ATXN7L1: variants seen among roughly 807,000 people sequenced by gnomAD.
ATXN7L1 encodes ataxin 7 like 1.
Under a neutral mutation model 70.8 loss-of-function variants are expected in ATXN7L1, and 15 were observed. That is an observed-to-expected ratio of 0.21 (90% CI 0.14 to 0.33). The LOEUF (loss-of-function observed/expected upper bound fraction) is 0.33, where lower values mean the gene tolerates loss of function less well. Among genes scored for constraint, ATXN7L1 ranks in the 10% least tolerant of loss-of-function variants. ATXN7L1 has a pLI of 1.00. For missense variants in ATXN7L1, 975 were observed against 1,097.1 expected, an observed-to-expected ratio of 0.89 and a Z score of 1.57; for synonymous variants, 440 against 445.1, an observed-to-expected ratio of 0.99 and a Z score of 0.14.
chr7:105,658,655 C>T (rs1183217037), intron 4 of ATXN7L1, among the ~76,000 whole-genome samples: 3 of 151,674 alleles, frequency 2.0e-5, no homozygotes, highest in Admixed American at 6.6e-5. Flanking sequence ...CTCAGCCTCC[C>T]GAGTAGCTGA....
intron 9 of ATXN7L1, 55 bp downstream of exon 9, chr7:105,620,145 T>G: frequency 1.3e-6 from 2 of 1,540,650 alleles, no homozygotes; most frequent in Middle Eastern, 1.7e-4. Context: ...AAGTTAAGTT[T>G]CAGGTAACTG....
At chr7:105,845,848 A>C (rs777661721) in intron 2 of ATXN7L1, among the ~76,000 whole-genome samples, 1 of 152,232 alleles carries the variant, frequency 6.6e-6, no homozygotes, top group Admixed American at 6.5e-5. Flanking sequence ...GGATAGCCAC[A>C]TGAAAAAGAA....
chr7:105,608,006 C>A, intron 11 of ATXN7L1, 116 bp from the exon 12 acceptor site: 1 of 930,770 alleles, frequency 1.1e-6, no homozygotes, highest in Non-Finnish European at 1.7e-6. Flanking sequence ...AATATCCCAC[C>A]TCCCATATCC....
intron 3 of ATXN7L1, among the ~76,000 whole-genome samples, chr7:105,713,395 G>A (rs1316267398): frequency 6.6e-6 from 1 of 152,240 alleles, no homozygotes; most frequent in Non-Finnish European, 1.5e-5. Flanking sequence ...GACGGGAATG[G>A]CTGTGTTATA....
intron 3 of ATXN7L1, among the ~76,000 whole-genome samples, chr7:105,688,986 G>A (rs1790367352): frequency 6.6e-6 from 1 of 152,166 alleles, no homozygotes; most frequent in South Asian, 2.1e-4. Context: ...AAGACCTTGG[G>A]GGTGAATGGA....
chr7:105,633,210 C>T (rs1355554724), intron 7 of ATXN7L1, among the ~76,000 whole-genome samples: 2 of 151,954 alleles, frequency 1.3e-5, no homozygotes, highest in Non-Finnish European at 2.9e-5. Context: ...AAATATTGAC[C>T]TCCCACAAAT....
rs55774943 is a variant in ATXN7L1, at chr7:105,729,736, C to CTTT, written c.355+58865_355+58867dup. On this transcript the variant is annotated intron_variant, in intron 3 of 11. Transcript: ENST00000419735. Reference sequence around the variant, plus strand: ...TGAGCCACTGTGCCTGGCACCACTTCTTTTTTTTTTTTTTTTTCTGAGATG... The same window carrying CTTT: ...TGAGCCACTGTGCCTGGCACCACTTCTTTTTTTTTTTTTTTTTTTTCTGAGATG... Among the ~76,000 whole-genome samples, 37 of 129,534 alleles carry CTTT rather than the reference C, an allele frequency of 2.9e-4. 1 individual carries two copies. Among genetic ancestry groups the CTTT allele is most frequent in the African/African-American group, 1.0e-3 (34 of 33,750 alleles). The allele number at this position is 129,534 out of a possible 152,430, so 85.0% of individuals were successfully genotyped here.
chr7:105,642,740 A>C (rs1384781501), intron 5 of ATXN7L1, 98 bp downstream of exon 5: 1 of 1,368,108 alleles, frequency 7.3e-7, no homozygotes, highest in Non-Finnish European at 9.8e-7. Context: ...AAAATGAAAC[A>C]GACCTGCTTA....
At chr7:105,730,538 C>T (rs1796415240) in intron 3 of ATXN7L1, among the ~76,000 whole-genome samples, 1 of 152,078 alleles carries the variant, frequency 6.6e-6, no homozygotes, top group Admixed American at 6.5e-5. Flanking sequence ...CAAGACCAGC[C>T]TGGCCAAGAT....
At chr7:105,778,983 A>T (rs1803159794) in intron 3 of ATXN7L1, among the ~76,000 whole-genome samples, 1 of 152,246 alleles carries the variant, frequency 6.6e-6, no homozygotes, top group African/African-American at 2.4e-5. Context: ...GAGAAAGAGC[A>T]ATGAAGCTCA....
intron 3 of ATXN7L1, among the ~76,000 whole-genome samples, chr7:105,779,629 T>A (rs117062003): frequency 1.3e-5 from 2 of 152,164 alleles, no homozygotes; most frequent in African/African-American, 4.8e-5. Flanking sequence ...TTACTAGGGA[T>A]GGTGGAAAAA....
At chr7:105,783,720 C>A (rs1162444130) in intron 3 of ATXN7L1, among the ~76,000 whole-genome samples, 2 of 152,166 alleles carry the variant, frequency 1.3e-5, no homozygotes, top group Non-Finnish European at 2.9e-5. Context: ...TCATTTATAT[C>A]CTTTATAATA....
chr7:105,814,721 T>A (rs995291341), intron 2 of ATXN7L1, among the ~76,000 whole-genome samples: 1 of 152,190 alleles, frequency 6.6e-6, no homozygotes, highest in African/African-American at 2.4e-5. Context: ...GAAAGGGGAT[T>A]GACAGAGTTG....
chr7:105,876,444 G>C lies in ATXN7L1; in HGVS notation c.115C>G (p.Pro39Ala), dbSNP rs537147695. Residue 39 changes from proline (P) to alanine (A), a missense_variant, in exon 1 of 12, where the codon CCG becomes GCG. This residue lies in a region of ATXN7L1 where 135 missense variants were observed against 132.6 expected (regional missense o/e 1.02). Coordinates refer to ENST00000419735, the MANE Select transcript of ATXN7L1 (RefSeq NM_020725.2). Reference protein sequence around the residue: ...MATLDRKVPSPEAFLGKPWSS... With the variant: ...MATLDRKVPSAEAFLGKPWSS... ...CAGGGTTTGCCCAGAAACGCCTCCG[G>C]ACTGGGCACTTTGCGATCCAGTGTC... is the stretch of plus-strand genomic sequence containing the variant. 3 of 1,613,786 alleles carry C rather than the reference G, an allele frequency of 1.9e-6. No individual in the cohort carries two copies. Among genetic ancestry groups the C allele is most frequent in the East Asian group, 2.2e-5 (1 of 44,858 alleles).
chr7:105,705,830 G>T (rs1391875045), intron 3 of ATXN7L1, among the ~76,000 whole-genome samples: 3 of 152,174 alleles, frequency 2.0e-5, no homozygotes, highest in East Asian at 1.9e-4. Context: ...CCTCTGCCAG[G>T]TCTCACCTGA....
At chr7:105,609,659 A>G (rs923170126) in intron 11 of ATXN7L1, among the ~76,000 whole-genome samples, 5 of 150,948 alleles carry the variant, frequency 3.3e-5, no homozygotes, top group African/African-American at 9.8e-5. Context: ...ATAGGGTCTC[A>G]CCATGTTCCT....
chr7:105,710,299 C>T (rs1362448785), intron 3 of ATXN7L1, among the ~76,000 whole-genome samples: 1 of 151,996 alleles, frequency 6.6e-6, no homozygotes, highest in Non-Finnish European at 1.5e-5. Context: ...GACTGGGAGG[C>T]CTCAGGAAAC....
chr7:105,747,296 C>T (rs1267288350), intron 3 of ATXN7L1, among the ~76,000 whole-genome samples: 1 of 152,056 alleles, frequency 6.6e-6, no homozygotes, highest in African/African-American at 2.4e-5. Flanking sequence ...TCAATCATGC[C>T]TACATAATGA....
intron 3 of ATXN7L1, among the ~76,000 whole-genome samples, chr7:105,778,434 C>G (rs1803044589): frequency 7.0e-6 from 1 of 143,800 alleles, no homozygotes; most frequent in Non-Finnish European, 1.5e-5. Flanking sequence ...TCACCTGAGC[C>G]TGGGAAGTTG....
Sources: allele counts gnomAD v4.1 joint callset (sites outside exome capture counted in the v4.1 genomes callset), GRCh38; gene constraint gnomAD v4.1.1; regional missense constraint gnomAD v4.1.1; transcripts MANE v1.5; gene names NCBI Gene and HGNC (gene_info 2026-07-23, HGNC 2026-07-21).